Variants in PKIB observed in about 807,000 individuals in gnomAD.
PKIB encodes the protein cAMP-dependent protein kinase inhibitor beta, also known as PKI-beta.
PKIB carries 2 observed loss-of-function variants against 4.5 expected under a neutral mutation model. That is an observed-to-expected ratio of 0.44 (90% CI 0.18 to 1.39). The LOEUF (loss-of-function observed/expected upper bound fraction) is 1.39. Ranked by LOEUF, PKIB falls within the 40% of genes most tolerant of loss-of-function variation. PKIB has a pLI of 0.27. For synonymous variants in PKIB, 38 were observed against 36.0 expected, an observed-to-expected ratio of 1.06 and a Z score of -0.20; for missense variants, 94 against 92.6, an observed-to-expected ratio of 1.02 and a Z score of -0.06.
intron 2 of PKIB, among the ~76,000 whole-genome samples, chr6:122,569,287 A>G (rs1336640247): frequency 6.6e-6 from 1 of 152,142 alleles, no homozygotes; most frequent in African/African-American, 2.4e-5. Context: ...CTTAGGGCAA[A>G]CTCAAATCCT....
intron 2 of PKIB, among the ~76,000 whole-genome samples, chr6:122,492,015 G>T (rs1489320742): frequency 6.6e-6 from 1 of 152,178 alleles, no homozygotes; most frequent in Non-Finnish European, 1.5e-5. Context: ...CTGTGGATTA[G>T]TTACGCAGAT....
Position 122,600,965 on chromosome 6 carries a change from T to C in PKIB, c.-161+14958T>C, listed in dbSNP as rs1399799113. On this transcript the variant is annotated intron_variant, in intron 3 of 6. Transcript: ENST00000392491. ...TTGAGGAAAGATTGAGCATGTTAAA[T>C]AGAGATACGGAAGATATGGAAAAAA... 4.0e-5 allele frequency among the ~76,000 whole-genome samples: 6 copies of C among 151,704 alleles called. No individual in the cohort carries two copies. The South Asian group carries it at 1.0e-3, about 26-fold the overall frequency.
intron 2 of PKIB, among the ~76,000 whole-genome samples, chr6:122,527,219 C>T (rs1303155154): frequency 6.6e-6 from 1 of 152,024 alleles, no homozygotes; most frequent in Non-Finnish European, 1.5e-5. Flanking sequence ...CTATTCAGAC[C>T]ACTCAAACTG....
intron 2 of PKIB, among the ~76,000 whole-genome samples, chr6:122,549,134 T>C (rs1772591017): frequency 6.6e-6 from 1 of 152,244 alleles, no homozygotes; most frequent in Non-Finnish European, 1.5e-5. Flanking sequence ...GAAGTTCTTC[T>C]GTTCTTAAAA....
At chr6:122,491,170 T>C (rs1000378755) in intron 2 of PKIB, among the ~76,000 whole-genome samples, 1 of 152,198 alleles carries the variant, frequency 6.6e-6, no homozygotes, top group Middle Eastern at 3.2e-3. Flanking sequence ...TGGGGTTTTA[T>C]ATCTTGACAT....
chr6:122,659,521 G>A (rs1582785226), intron 2 of PKIB, among the ~76,000 whole-genome samples: 1 of 152,008 alleles, frequency 6.6e-6, no homozygotes, highest in African/African-American at 2.4e-5. Context: ...AAAGTACTGA[G>A]TAAACTTAAC....
chr6:122,557,614 C>T, intron 2 of PKIB, among the ~76,000 whole-genome samples: 1 of 152,154 alleles, frequency 6.6e-6, no homozygotes, highest in African/African-American at 2.4e-5. Flanking sequence ...CTCTTCTTCC[C>T]AACTCTTGGC....
At chr6:122,717,139 T>C (rs1314869064) in intron 3 of PKIB, among the ~76,000 whole-genome samples, 1 of 152,078 alleles carries the variant, frequency 6.6e-6, no homozygotes, top group Non-Finnish European at 1.5e-5. Context: ...GCTAGGGAGA[T>C]AAAGGGTGCT....
At chr6:122,660,512 T>TG (rs1463020430) in intron 2 of PKIB, among the ~76,000 whole-genome samples, 4 of 152,180 alleles carry the variant, frequency 2.6e-5, no homozygotes, top group African/African-American at 9.6e-5. Context: ...TCTCCATGCT[T>TG]GGATCTCAGG....
At chr6:122,500,045 T>C (rs1008608004) in intron 2 of PKIB, among the ~76,000 whole-genome samples, 1 of 152,154 alleles carries the variant, frequency 6.6e-6, no homozygotes, top group African/African-American at 2.4e-5. Context: ...AAAGAAGTTA[T>C]AAATGAGACA....
At chr6:122,718,852 G>A (rs80176982) in intron 4 of PKIB, among the ~76,000 whole-genome samples, 4,117 of 152,098 alleles carry the variant, frequency 0.027, 181 homozygotes, top group African/African-American at 0.095. Flanking sequence ...TTATATCCTT[G>A]TAGGCCAGGA....
chr6:122,493,856 C>T (rs1776004644), intron 2 of PKIB, among the ~76,000 whole-genome samples: 1 of 152,118 alleles, frequency 6.6e-6, no homozygotes, highest in Admixed American at 6.5e-5. Flanking sequence ...GGACCACAGC[C>T]AGGGACCACA....
chr6:122,635,499 GA>G (rs35217194), intron 2 of PKIB, among the ~76,000 whole-genome samples: 56,395 of 143,388 alleles, frequency 0.39, 11,658 homozygotes, highest in South Asian at 0.64. Flanking sequence ...CTTTGAAAGA[GA>G]AAACATTTTT....
upstream of PKIB, among the ~76,000 whole-genome samples, chr6:122,609,545 GGTGGCAAGTCAGAGCATA>G (rs1351368189): frequency 6.6e-6 from 1 of 152,178 alleles, no homozygotes; most frequent in Non-Finnish European, 1.5e-5. Flanking sequence ...ATAGGCTTTG[GGTGGCAAGTCAGAGCATA>G]GTATGAATGA....
At chr6:122,546,238 G>T (rs1276415911) in intron 2 of PKIB, among the ~76,000 whole-genome samples, 1 of 152,018 alleles carries the variant, frequency 6.6e-6, no homozygotes, top group Non-Finnish European at 1.5e-5. Flanking sequence ...TGAACCCTAG[G>T]GTCTTGCTCT....
chr6:122,696,965 A>G (rs1468435041), intron 3 of PKIB, among the ~76,000 whole-genome samples: 3 of 152,182 alleles, frequency 2.0e-5, no homozygotes, highest in African/African-American at 7.2e-5. Context: ...GCTAAACACC[A>G]CCTGACCCTG....
chr6:122,704,411 CAA>C (rs1385958816), intron 3 of PKIB, among the ~76,000 whole-genome samples: 1 of 151,784 alleles, frequency 6.6e-6, no homozygotes, highest in African/African-American at 2.4e-5. Flanking sequence ...TTCTTAACAG[CAA>C]AAATAGAATA....
rs115378614 is a variant in PKIB, at chr6:122,530,923, T to C, written c.-248+52984T>C. 2.6e-3 allele frequency among the ~76,000 whole-genome samples: 396 copies of C among 152,324 alleles called. 1 individual carries two copies. Among genetic ancestry groups the C allele is most frequent in the African/African-American group, 9.0e-3 (374 of 41,568 alleles). ...AATTTCCTTACTTCTTTCTTTGAAA[T>C]CCTGTCTTGGTTTTACAATGGCTTA... is the stretch of plus-strand genomic sequence containing the variant. On this transcript the variant is annotated intron_variant, in intron 2 of 6. Transcript: ENST00000392491.
intron 3 of PKIB, among the ~76,000 whole-genome samples, chr6:122,703,922 G>GTA (rs151131565): frequency 0.061 from 8,053 of 132,640 alleles, 274 homozygotes; most frequent in Non-Finnish European, 0.079. Flanking sequence ...ATATATGTGT[G>GTA]TATATATATA....
Sources: allele counts gnomAD v4.1 joint callset (sites outside exome capture counted in the v4.1 genomes callset), GRCh38; gene constraint gnomAD v4.1.1; transcripts MANE v1.5; gene names NCBI Gene and HGNC (gene_info 2026-07-23, HGNC 2026-07-21).